CDH13: variants seen among roughly 807,000 people sequenced by gnomAD.
The protein encoded by CDH13 is cadherin 13, also known as cadherin-13.
In CDH13, 24 loss-of-function variants were observed where a neutral mutation model predicts 63.8. The observed-to-expected ratio is 0.38, with a 90% CI of 0.27 to 0.53. The LOEUF is 0.53. Ranked by LOEUF, CDH13 falls within the 20% of genes least tolerant of loss-of-function variation. CDH13 has a pLI of 0.85. For synonymous variants in CDH13, 503 were observed against 355.3 expected, an observed-to-expected ratio of 1.42 and a Z score of -4.67; for missense variants, 1,049 against 903.1, an observed-to-expected ratio of 1.16 and a Z score of -2.07.
At chr16:83,477,947 C>T (rs1003163725) in intron 6 of CDH13, among the ~76,000 whole-genome samples, 6 of 151,958 alleles carry the variant, frequency 3.9e-5, no homozygotes, top group East Asian at 1.9e-4. Flanking sequence ...TTTGGGAGGC[C>T]GAGTCGGGTG....
chr16:83,464,315 C>A (rs976762179), intron 6 of CDH13, among the ~76,000 whole-genome samples: 1 of 151,376 alleles, frequency 6.6e-6, no homozygotes, highest in African/African-American at 2.4e-5. Context: ...GAGTTCAAGA[C>A]CAGCCTGGCC....
chr16:83,263,248 T>A (rs542162042), intron 5 of CDH13, among the ~76,000 whole-genome samples: 1 of 152,224 alleles, frequency 6.6e-6, no homozygotes, highest in Non-Finnish European at 1.5e-5. Context: ...AAGCAACAAT[T>A]CCACCTTTTT....
chr16:83,344,434 T>C (rs2090793492), intron 5 of CDH13, among the ~76,000 whole-genome samples: 1 of 152,206 alleles, frequency 6.6e-6, no homozygotes, highest in Non-Finnish European at 1.5e-5. Context: ...TCCTAAAAGA[T>C]TGCCATAAAC....
chr16:82,689,795 C>T (rs545711389), intron 1 of CDH13, among the ~76,000 whole-genome samples: 1 of 151,864 alleles, frequency 6.6e-6, no homozygotes, highest in South Asian at 2.1e-4. Context: ...TTGGAGCAAA[C>T]ATAGCTTCTG....
At chr16:82,946,761 CAA>C (rs956351191) in intron 2 of CDH13, among the ~76,000 whole-genome samples, 1 of 151,702 alleles carries the variant, frequency 6.6e-6, no homozygotes, top group African/African-American at 2.4e-5. Context: ...AGTAACAAAA[CAA>C]AATCTCAAGG....
intron 2 of CDH13, among the ~76,000 whole-genome samples, chr16:82,982,319 A>G (rs1412338090): frequency 1.3e-5 from 2 of 152,138 alleles, no homozygotes; most frequent in Non-Finnish European, 2.9e-5. Context: ...ATTTTCCAAT[A>G]TTCTGCTTTT....
chr16:82,703,175 C>T (rs1445151237), intron 1 of CDH13, among the ~76,000 whole-genome samples: 1 of 151,792 alleles, frequency 6.6e-6, no homozygotes, highest in Non-Finnish European at 1.5e-5. Flanking sequence ...TTTATGCACA[C>T]ATAAACATAC....
chr16:83,399,033 T>G (rs763457918), intron 6 of CDH13, among the ~76,000 whole-genome samples: 1 of 152,236 alleles, frequency 6.6e-6, no homozygotes, highest in Non-Finnish European at 1.5e-5. Context: ...CTCAAAGCCA[T>G]AGACCATTCA....
intron 6 of CDH13, among the ~76,000 whole-genome samples, chr16:83,482,423 C>T (rs933982186): frequency 3.3e-5 from 5 of 152,236 alleles, no homozygotes. Context: ...GAGATTGATG[C>T]TGTAAGCGTG....
intron 5 of CDH13, among the ~76,000 whole-genome samples, chr16:83,335,903 T>A (rs1355516001): frequency 6.6e-6 from 1 of 152,130 alleles, no homozygotes; most frequent in Non-Finnish European, 1.5e-5. Flanking sequence ...ACAGGAATCT[T>A]GCCGATGCCC....
intron 8 of CDH13, among the ~76,000 whole-genome samples, chr16:83,665,704 G>A (rs577775670): frequency 1.3e-5 from 2 of 152,300 alleles, no homozygotes; most frequent in South Asian, 2.1e-4. Context: ...CATGCAACTA[G>A]TCAAGCATGC....
intron 1 of CDH13, among the ~76,000 whole-genome samples, chr16:82,658,742 T>C (rs1194254760): frequency 1.3e-5 from 2 of 152,308 alleles, no homozygotes; most frequent in South Asian, 2.1e-4. Flanking sequence ...CTCTCTTCAT[T>C]TGAATGTGTG....
chr16:83,695,656 G>C (rs372903955), intron 10 of CDH13, among the ~76,000 whole-genome samples: 10 of 152,182 alleles, frequency 6.6e-5, no homozygotes, highest in African/African-American at 2.4e-4. Context: ...AAAATGATTA[G>C]GGGAAAAGAA....
At chr16:83,555,264 G>A (rs1309938937) in intron 7 of CDH13, among the ~76,000 whole-genome samples, 1 of 152,074 alleles carries the variant, frequency 6.6e-6, no homozygotes, top group Admixed American at 6.5e-5. Flanking sequence ...AGGCATAGGG[G>A]TATCTTAGAA....
At chr16:83,496,809 T>G (rs1598154877) in intron 7 of CDH13, among the ~76,000 whole-genome samples, 1 of 151,786 alleles carries the variant, frequency 6.6e-6, no homozygotes, top group Non-Finnish European at 1.5e-5. Flanking sequence ...CAAACAAATT[T>G]ACAAGAAAAA....
chr16:83,437,808 T>C (rs567660181), intron 6 of CDH13, among the ~76,000 whole-genome samples: 8 of 152,156 alleles, frequency 5.3e-5, no homozygotes, highest in Non-Finnish European at 1.2e-4. Context: ...TGATGTATAA[T>C]AGTTTGGCCA....
At chr16:82,908,583 AT>A (rs2041723695) in intron 2 of CDH13, among the ~76,000 whole-genome samples, 1 of 152,198 alleles carries the variant, frequency 6.6e-6, no homozygotes, top group Non-Finnish European at 1.5e-5. Flanking sequence ...AGAAAAACAG[AT>A]ATTCCCTTTT....
intron 3 of CDH13, among the ~76,000 whole-genome samples, chr16:83,052,736 C>A (rs1467429654): frequency 8.0e-6 from 1 of 125,508 alleles, no homozygotes; most frequent in South Asian, 2.5e-4. Context: ...AAGATCGCAC[C>A]ATTGCACTCC....
intron 7 of CDH13, among the ~76,000 whole-genome samples, chr16:83,538,593 G>A (rs2075240014): frequency 6.6e-6 from 1 of 152,224 alleles, no homozygotes; most frequent in Non-Finnish European, 1.5e-5. Context: ...GTGAGTTGAG[G>A]AAGTATGATA....
Sources: allele counts gnomAD v4.1 joint callset (sites outside exome capture counted in the v4.1 genomes callset), GRCh38; gene constraint gnomAD v4.1.1; transcripts MANE v1.5; gene names NCBI Gene and HGNC (gene_info 2026-07-23, HGNC 2026-07-21).